ZNF347: variants seen among roughly 807,000 people sequenced by gnomAD.
ZNF347 encodes the protein zinc finger protein 347.
Under a neutral mutation model 12.9 loss-of-function variants are expected in ZNF347, and 19 were observed. The ratio of observed to expected loss-of-function variants is 1.47; its 90% confidence interval spans 1.03 to 2.16. The LOEUF is 2.16. ZNF347 is among the 30% of genes most tolerant of loss of function. The pLI is 0.00. For synonymous variants in ZNF347, 328 were observed against 340.6 expected, an observed-to-expected ratio of 0.96 and a Z score of 0.41; for missense variants, 1,005 against 990.6, an observed-to-expected ratio of 1.01 and a Z score of -0.19.
In ZNF347 at chr19:53,140,384, C is replaced by G. The variant is rs1005858798; in HGVS notation, c.2444G>C (p.Gly815Ala). Residue 815 changes from glycine (G) to alanine (A), a missense_variant, in exon 5 of 5, where the codon GGG becomes GCG. Transcript: ENST00000334197. ...LTTHQTIHTG[G>A]KPYKCNVWKV... ...CCACACGTTACATTTGTAAGGTTTC[C>G]CACCAGTATGGATTGTCTGATGGGT... 6.2e-7 allele frequency: 1 copy of G among 1,608,356 alleles called. No homozygotes were observed. The highest frequency in any genetic ancestry group is 8.5e-7 in the Non-Finnish European group (1 of 1,177,778).
chr19:53,149,688 C>A (rs1431251490), intron 2 of ZNF347, among the ~76,000 whole-genome samples: 1 of 152,116 alleles, frequency 6.6e-6, no homozygotes, highest in African/African-American at 2.4e-5. Context: ...CCCAACTTAC[C>A]CTGAGGGGAT....
At chr19:53,146,068 C>G (rs546827442) in intron 4 of ZNF347, among the ~76,000 whole-genome samples, 1 of 151,918 alleles carries the variant, frequency 6.6e-6, no homozygotes, top group Non-Finnish European at 1.5e-5. Context: ...CTCTGCCTCC[C>G]AAGTTCGAGA....
chr19:53,148,864 C>G (rs201137351), intron 3 of ZNF347, 55 bp from the exon 4 acceptor site: 74 of 1,583,752 alleles, frequency 4.7e-5, no homozygotes, highest in Non-Finnish European at 5.9e-5. Context: ...GAGTCCCAGT[C>G]CTATGTTTAC....
At chr19:53,148,516 TAA>T (rs2090476692) in intron 4 of ZNF347, among the ~76,000 whole-genome samples, 163 bp downstream of exon 4, 1 of 152,190 alleles carries the variant, frequency 6.6e-6, no homozygotes, top group African/African-American at 2.4e-5. Flanking sequence ...GGTGAAAGGA[TAA>T]ACTAGTACAA....
intron 1 of ZNF347, among the ~76,000 whole-genome samples, chr19:53,155,235 G>A (rs1050257375): frequency 6.6e-6 from 1 of 151,540 alleles, no homozygotes; most frequent in African/African-American, 2.4e-5. Context: ...ACCGTGCCTG[G>A]CCAATTTAGA....
Position 53,135,199 on chromosome 19 carries a change from G to A in ZNF347, c.*5109C>T, listed in dbSNP as rs2090378168. 6.6e-6 allele frequency: 1 copy of A among 151,704 alleles called. No individual in the cohort carries two copies. Among genetic ancestry groups the A allele is most frequent in the South Asian group, 2.1e-4 (1 of 4,826 alleles). 9.4% of individuals were successfully genotyped at this position (151,704 alleles called of 1,614,324 possible). ...TAAAGCAGAATATGCTGAGATCTGAGATTTGATGGATGGTGATGTTGGAAA... is the reference window on the plus strand; with the variant it reads ...TAAAGCAGAATATGCTGAGATCTGAAATTTGATGGATGGTGATGTTGGAAA... On this transcript the variant is annotated 3_prime_UTR_variant, in exon 5 of 5. Coordinates refer to ENST00000334197, the MANE Select transcript of ZNF347 (RefSeq NM_032584.3).
At chr19:53,157,444 G>A (rs1432384477) in intron 1 of ZNF347, among the ~76,000 whole-genome samples, 1 of 151,794 alleles carries the variant, frequency 6.6e-6, no homozygotes, top group Non-Finnish European at 1.5e-5. Context: ...TTTTTCCCCT[G>A]GTTCTTTGCG....
intron 2 of ZNF347, among the ~76,000 whole-genome samples, chr19:53,152,799 G>A (rs1390738149): frequency 2.6e-5 from 4 of 151,822 alleles, no homozygotes; most frequent in East Asian, 1.9e-4. Flanking sequence ...GCATGGTGGC[G>A]GGCGCCTGTA....
At chr19:53,152,983 T>G (rs1206593837) in intron 2 of ZNF347, among the ~76,000 whole-genome samples, 2 of 152,094 alleles carry the variant, frequency 1.3e-5, no homozygotes, top group African/African-American at 4.8e-5. Context: ...GGTTCTACCC[T>G]CTCTAATGGG....
intron 1 of ZNF347, among the ~76,000 whole-genome samples, chr19:53,158,271 GC>G (rs1401094588): frequency 2.7e-4 from 41 of 152,278 alleles, no homozygotes; most frequent in African/African-American, 9.4e-4. Flanking sequence ...GAGGGAGGTG[GC>G]GGGGCGACGG....
intron 1 of ZNF347, among the ~76,000 whole-genome samples, chr19:53,154,309 C>A (rs1333237767): frequency 6.6e-6 from 1 of 151,856 alleles, no homozygotes; most frequent in East Asian, 1.9e-4. Flanking sequence ...TAGTGAGACC[C>A]CATTTCTCTT....
At chr19:53,152,558 G>T (rs904583204) in intron 2 of ZNF347, among the ~76,000 whole-genome samples, 1 of 151,984 alleles carries the variant, frequency 6.6e-6, no homozygotes, top group Non-Finnish European at 1.5e-5. Flanking sequence ...AGTGAGCCGA[G>T]ATTGCACCAC....
rs569278505 is a variant in ZNF347 at position 53,152,082 on chromosome 19, G to C, written c.15+1651C>G. ...CACTCCAGCCTGGGTGACAGAGTGA[G>C]ACTCTGTCTCAAAAAAAAAAAAAAA... On this transcript the variant is annotated intron_variant, in intron 2 of 4. Coordinates refer to ENST00000334197, the MANE Select transcript of ZNF347 (RefSeq NM_032584.3). Among the ~76,000 whole-genome samples, 174 of 92,964 alleles carry C rather than the reference G, an allele frequency of 1.9e-3. 5 individuals carry two copies. The highest frequency in any genetic ancestry group is 6.7e-3 in the African/African-American group (172 of 25,554). The allele number at this position is 92,964 out of a possible 152,430, so 61.0% of individuals were successfully genotyped here. A position where few individuals can be genotyped will look rare whatever the true frequency, so the allele number is the denominator to read the frequency against.
At chr19:53,150,133 C>A (rs572569563) in intron 2 of ZNF347, among the ~76,000 whole-genome samples, 1 of 152,164 alleles carries the variant, frequency 6.6e-6, no homozygotes, top group Non-Finnish European at 1.5e-5. Context: ...GTGTTTGCAA[C>A]TGGCATTGAA....
At position 53,139,517 on chromosome 19, in the gene ZNF347, A is replaced by G. The variant is rs1471589546; in HGVS notation, c.*791T>C. 6.6e-6 allele frequency: 1 copy of G among 152,222 alleles called. No individual in the cohort carries two copies. Among genetic ancestry groups the G allele is most frequent in the Non-Finnish European group, 1.5e-5 (1 of 68,040 alleles). 9.4% of individuals were successfully genotyped at this position (152,222 alleles called of 1,614,324 possible). A position where few individuals can be genotyped will look rare whatever the true frequency, so the allele number is the denominator to read the frequency against. ...GAGAAACCTCAAACAATGGAATAAA[A>G]GATTTTATAACCTGAAGGTAAGTAG... On this transcript the variant is annotated 3_prime_UTR_variant, in exon 5 of 5. Coordinates refer to ENST00000334197, the MANE Select transcript of ZNF347 (RefSeq NM_032584.3).
At position 53,141,285 on chromosome 19, in the gene ZNF347, A is replaced by G; in HGVS notation, c.1543T>C (p.Cys515Arg). ...GTGAAGACCTTGCCACATTCATTAC[A>G]TTTGTAAGGCTTTTCTCCAGTATGG... Reference protein sequence around the residue: ...VIHTGEKPYKCNECGKVFTQN... With the variant: ...VIHTGEKPYKRNECGKVFTQN... Residue 515 changes from cysteine to arginine, a missense_variant, in exon 5 of 5, where the codon TGT (cysteine) becomes CGT (arginine). Coordinates refer to ENST00000334197, the MANE Select transcript of ZNF347 (RefSeq NM_032584.3). 1 of 1,613,686 alleles carries G rather than the reference A, an allele frequency of 6.2e-7. No individual in the cohort carries two copies. Among genetic ancestry groups the G allele is most frequent in the Non-Finnish European group, 8.5e-7 (1 of 1,179,962 alleles).
Position 53,144,632 on chromosome 19 carries a change from T to C in ZNF347, c.272-2076A>G, listed in dbSNP as rs192549285. ...AAAAAAAGACTTTTTAAATTTTTTT[T>C]CTATTTTAAACAGATGGGATCTCCC... On this transcript the variant is annotated intron_variant, in intron 4 of 4. Coordinates refer to ENST00000334197, the MANE Select transcript of ZNF347 (RefSeq NM_032584.3). 1.2e-3 allele frequency among the ~76,000 whole-genome samples: 177 copies of C among 152,242 alleles called. 1 individual carries two copies. Among genetic ancestry groups the C allele is most frequent in the African/African-American group, 4.1e-3 (171 of 41,556 alleles).
Position 53,142,566 on chromosome 19 carries a change from A to G in ZNF347, c.272-10T>C. ...AATTCGGAAGAGAGAGCTACAAGAT[A>G]TAAAGATCCATAGGTTTCCAATTAA... On this transcript the variant is annotated splice_polypyrimidine_tract_variant and intron_variant, in intron 4 of 4. Transcript: ENST00000334197. 6.5e-7 allele frequency: 1 copy of G among 1,541,162 alleles called. No homozygotes were observed. Among genetic ancestry groups the G allele is most frequent in the Non-Finnish European group, 8.7e-7 (1 of 1,146,140 alleles).
At position 53,141,425 on chromosome 19, in the gene ZNF347, C is replaced by T. The variant is rs143270992; in HGVS notation, c.1403G>A (p.Arg468His). The change falls in exon 5 of 5, where the codon CGT (arginine) becomes CAT (histidine). Residue 468 changes from arginine (R) to histidine (H), a missense_variant. Arg to His is a conservative substitution (Grantham distance 29). Coordinates refer to ENST00000334197, the MANE Select transcript of ZNF347 (RefSeq NM_032584.3). ...KCHECGKVFR[R>H]NSHLARHQLI... ...CTGATGCCTTGCAAGGTGTGAATTA[C>T]GCCTAAAGACCTTGCCGCATTCATG... is the stretch of plus-strand genomic sequence containing the variant. 1.4e-4 allele frequency: 218 copies of T among 1,611,726 alleles called. 1 individual carries two copies. In the Admixed American group the frequency reaches 1.5e-3, roughly 11 times the overall value.
Sources: gnomAD v4.1 joint callset for allele counts (sites outside exome capture counted in the v4.1 genomes callset) on GRCh38, gnomAD v4.1.1 for gene constraint, MANE v1.5 for transcripts, NCBI Gene and HGNC (gene_info 2026-07-23, HGNC 2026-07-21) for gene names.